ABI2: variants seen among roughly 807,000 people sequenced by gnomAD.
ABI2 encodes abelson interactor 2.
ABI2 carries 25 observed loss-of-function variants against 59.2 expected under a neutral mutation model. The observed-to-expected ratio is 0.42, with a 90% CI of 0.31 to 0.59. The LOEUF (loss-of-function observed/expected upper bound fraction) is 0.59. Ranked by LOEUF, ABI2 falls within the 20% of genes least tolerant of loss-of-function variation. The pLI is 0.14. For synonymous variants in ABI2, 213 were observed against 235.5 expected, an observed-to-expected ratio of 0.90 and a Z score of 0.87; for missense variants, 545 against 681.8, an observed-to-expected ratio of 0.80 and a Z score of 2.23.
intron 2 of ABI2, among the ~76,000 whole-genome samples, chr2:203,378,387 A>T (rs1176124062): frequency 1.3e-5 from 2 of 152,210 alleles, no homozygotes; most frequent in Non-Finnish European, 2.9e-5. Flanking sequence ...CTGGGATTAT[A>T]GGCGTGAGCC....
chr2:203,402,483 T>G, intron 8 of ABI2, 93 bp from the exon 9 acceptor site: 1 of 989,808 alleles, frequency 1.0e-6, no homozygotes, highest in Non-Finnish European at 1.3e-6. Context: ...CTGTTATTTT[T>G]AATTCTTAAG....
At chr2:203,393,214 C>T (rs972608345) in intron 5 of ABI2, among the ~76,000 whole-genome samples, 4 of 152,172 alleles carry the variant, frequency 2.6e-5, no homozygotes, top group African/African-American at 9.7e-5. Context: ...GCCACCATTC[C>T]CAGCTAATTT....
chr2:203,354,571 G>A (rs1423051378), intron 1 of ABI2, among the ~76,000 whole-genome samples: 1 of 152,174 alleles, frequency 6.6e-6, no homozygotes, highest in Non-Finnish European at 1.5e-5. Flanking sequence ...AGGGAGTTTT[G>A]TAGATGCTGT....
At chr2:203,349,120 T>C (rs930100265) in intron 1 of ABI2, among the ~76,000 whole-genome samples, 6 of 151,928 alleles carry the variant, frequency 3.9e-5, no homozygotes, top group Non-Finnish European at 7.4e-5. Flanking sequence ...TGTATTTTTT[T>C]TTTTAGAGGT....
chr2:203,377,693 C>T (rs1034712872), intron 2 of ABI2, among the ~76,000 whole-genome samples: 16 of 152,164 alleles, frequency 1.1e-4, no homozygotes, highest in African/African-American at 3.6e-4. Flanking sequence ...ATCACTTGAG[C>T]TTAGGAGTTC....
intron 1 of ABI2, among the ~76,000 whole-genome samples, chr2:203,353,327 G>A (rs936409875): frequency 2.0e-5 from 3 of 152,068 alleles, no homozygotes; most frequent in East Asian, 1.9e-4. Flanking sequence ...CCATTCAAGC[G>A]CTTCATAGCT....
chr2:203,387,467 A>T (rs767075547), intron 4 of ABI2, among the ~76,000 whole-genome samples: 7 of 152,184 alleles, frequency 4.6e-5, no homozygotes, highest in Non-Finnish European at 1.0e-4. Flanking sequence ...CCTTCATCAT[A>T]GCCTATTGGG....
intron 1 of ABI2, 21 bp from the exon 2 acceptor site, chr2:203,366,856 C>T: frequency 6.6e-7 from 1 of 1,520,366 alleles, no homozygotes; most frequent in Non-Finnish European, 8.9e-7. Context: ...TTAATGATCA[C>T]TGGTTTGTTT....
At chr2:203,420,074 G>A (rs528743201) in intron 11 of ABI2, among the ~76,000 whole-genome samples, 30 of 152,278 alleles carry the variant, frequency 2.0e-4, no homozygotes, top group African/African-American at 7.0e-4. Context: ...AGTTAAGTAT[G>A]TACTGTAAAC....
At chr2:203,408,391 G>A (rs906768223) in intron 9 of ABI2, among the ~76,000 whole-genome samples, 3 of 151,836 alleles carry the variant, frequency 2.0e-5, no homozygotes, top group African/African-American at 7.3e-5. Flanking sequence ...TTGAACTCCT[G>A]ACCTCAGGTG....
rs572672795 is a variant in ABI2, at chr2:203,416,370, A to G, written c.1280-538A>G. Among the ~76,000 whole-genome samples, 12 of 151,790 alleles carry G rather than the reference A, an allele frequency of 7.9e-5. No homozygotes were observed. The South Asian group carries it at 2.5e-3, about 32-fold the overall frequency. On this transcript the variant is annotated intron_variant, in intron 10 of 11. Transcript: ENST00000261018. ...GGCTGGAGTGGCGTGATCTCGACTCACTGCAACCTCCACCTCCCCGGTTCC... is the reference window on the plus strand; with the variant it reads ...GGCTGGAGTGGCGTGATCTCGACTCGCTGCAACCTCCACCTCCCCGGTTCC...
chr2:203,364,684 A>G lies in ABI2; in HGVS notation c.118-2193A>G, dbSNP rs528388297. 1.2e-4 allele frequency among the ~76,000 whole-genome samples: 18 copies of G among 152,158 alleles called. No individual in the cohort carries two copies. In the South Asian group the frequency reaches 2.9e-3, roughly 25 times the overall value. On this transcript the variant is annotated intron_variant, in intron 1 of 11. Coordinates refer to ENST00000261018, the MANE Select transcript of ABI2 (RefSeq NM_001375670.1). The stretch of plus-strand genomic sequence containing the variant: ...ATTCCTTATAGTTGACTAGGATAGA[A>G]TACTTAAAGTTTCTATTCTTTTATA...
intron 2 of ABI2, among the ~76,000 whole-genome samples, chr2:203,373,037 C>T (rs575430089): frequency 1.3e-5 from 2 of 152,078 alleles, no homozygotes; most frequent in South Asian, 2.1e-4. Flanking sequence ...CACGCAGAGA[C>T]GCTCCTCACT....
At chr2:203,420,693 G>A (rs530988221) in intron 11 of ABI2, among the ~76,000 whole-genome samples, 9 of 151,854 alleles carry the variant, frequency 5.9e-5, no homozygotes, top group Non-Finnish European at 1.3e-4. Context: ...ACGCCCAGCC[G>A]ACAGTCCCTT....
intron 1 of ABI2, among the ~76,000 whole-genome samples, chr2:203,360,324 G>A (rs1197315074): frequency 6.6e-6 from 1 of 152,096 alleles, no homozygotes; most frequent in Non-Finnish European, 1.5e-5. Flanking sequence ...TGTGAGGTCG[G>A]TTATCAATGA....
chr2:203,392,302 CCACCACCACCACCAA>C (rs1408717299), intron 5 of ABI2, among the ~76,000 whole-genome samples: 21 of 96,050 alleles, frequency 2.2e-4, no homozygotes, highest in Admixed American at 3.3e-4. Flanking sequence ...ACCACCACCA[CCACCACCACCACCAA>C]CAACAACAAC....
intron 1 of ABI2, among the ~76,000 whole-genome samples, chr2:203,348,664 T>G (rs1244805082): frequency 6.6e-6 from 1 of 152,150 alleles, no homozygotes. Flanking sequence ...TTAATAGGCT[T>G]TACTTTTTAG....
At chr2:203,425,860 A>G (rs1048109897) in intron 11 of ABI2, among the ~76,000 whole-genome samples, 2 of 151,922 alleles carry the variant, frequency 1.3e-5, no homozygotes, top group Admixed American at 6.6e-5. Flanking sequence ...CGTCTCTACT[A>G]AAAATACAAA....
At chr2:203,332,062 G>A (rs1019593914) in intron 1 of ABI2, among the ~76,000 whole-genome samples, 3 of 151,164 alleles carry the variant, frequency 2.0e-5, no homozygotes, top group African/African-American at 2.4e-5. Context: ...CACCCACCTC[G>A]GCCTCCCAAA....
Sources: allele counts gnomAD v4.1 joint callset (sites outside exome capture counted in the v4.1 genomes callset), GRCh38; gene constraint gnomAD v4.1.1; transcripts MANE v1.5; gene names NCBI Gene and HGNC (gene_info 2026-07-23, HGNC 2026-07-21).